The following TDRKH variants were observed in gnomAD, a reference collection of about 807,000 sequenced individuals.
The protein encoded by TDRKH is tudor and KH domain containing.
Under a neutral mutation model 61.3 loss-of-function variants are expected in TDRKH, and 28 were observed. The ratio of observed to expected loss-of-function variants is 0.46; its 90% confidence interval spans 0.34 to 0.63. TDRKH has a LOEUF of 0.63. Ranked by LOEUF, TDRKH falls within the 20% of genes least tolerant of loss-of-function variation. The pLI, the probability that TDRKH is intolerant of heterozygous loss-of-function variation, is 0.01. For missense variants in TDRKH, 540 were observed against 683.4 expected (o/e 0.79, Z 2.34); for synonymous variants, 219 against 244.4 (o/e 0.90, Z 0.97).
intron 6 of TDRKH, among the ~76,000 whole-genome samples, chr1:151,776,954 C>G (rs574307005): frequency 6.6e-6 from 1 of 152,300 alleles, no homozygotes; most frequent in Non-Finnish European, 1.5e-5. Context: ...TGGACCTGTT[C>G]CAGATCCCAT....
downstream of TDRKH, chr1:151,766,596 G>C: frequency 1.9e-6 from 2 of 1,039,664 alleles, no homozygotes; most frequent in Non-Finnish European, 2.8e-6. Context: ...GTCCTGAGGT[G>C]ACATAAGGGC....
intron 3 of TDRKH, among the ~76,000 whole-genome samples, chr1:151,780,665 A>G (rs951243498): frequency 8.5e-5 from 13 of 152,118 alleles, no homozygotes; most frequent in African/African-American, 3.1e-4. Flanking sequence ...CCTGGCTAAC[A>G]TGGTGAAACC....
chr1:151,773,365 T>A (rs1259684541), downstream of TDRKH: 1 of 152,616 alleles, frequency 6.6e-6, no homozygotes, highest in Non-Finnish European at 1.5e-5. Flanking sequence ...AGAATATGAA[T>A]GTGTATATGG....
At chr1:151,777,049 T>C (rs954870235) in intron 6 of TDRKH, among the ~76,000 whole-genome samples, 1 of 152,200 alleles carries the variant, frequency 6.6e-6, no homozygotes, top group African/African-American at 2.4e-5. Flanking sequence ...CCAAAACCTA[T>C]GTACAGAAGA....
At chr1:151,776,306 A>T in intron 7 of TDRKH, 38 bp from the exon 8 acceptor site, 2 of 1,606,806 alleles carry the variant, frequency 1.2e-6, no homozygotes, top group East Asian at 2.2e-5. Context: ...GAGAGTTACA[A>T]AGTGGTAGGC....
chr1:151,785,524 T>C (rs139728743), intron 1 of TDRKH, among the ~76,000 whole-genome samples: 101 of 152,324 alleles, frequency 6.6e-4, no homozygotes, highest in African/African-American at 2.4e-3. Flanking sequence ...AATGAAGAGA[T>C]AATGTGTTGA....
At chr1:151,788,009 T>C (rs868505753) in intron 1 of TDRKH, among the ~76,000 whole-genome samples, 2 of 151,080 alleles carry the variant, frequency 1.3e-5, no homozygotes, top group Non-Finnish European at 1.5e-5. Flanking sequence ...AAAAAAAGTA[T>C]AGGGCAAGAT....
At chr1:151,767,459 C>A, downstream of TDRKH, 1 of 1,376,482 alleles carries the variant, frequency 7.3e-7, no homozygotes, top group Non-Finnish European at 9.5e-7. Context: ...CATTCTGGCC[C>A]ACAGACTGTA....
At chr1:151,769,908 A>G (rs145728413), downstream of TDRKH, among the ~76,000 whole-genome samples, 3,811 of 151,458 alleles carry the variant, frequency 0.025, 78 homozygotes, top group African/African-American at 0.044. Context: ...CCCCGTCTCC[A>G]CCAAAATACG....
downstream of TDRKH, chr1:151,766,857 C>T (rs188726350): frequency 6.5e-4 from 1,045 of 1,612,618 alleles, 1 homozygote; most frequent in Non-Finnish European, 4.8e-4. Flanking sequence ...GATCACTCTC[C>T]GGGAGAAGAT....
At position 151,782,151 on chromosome 1, in the gene TDRKH, C is replaced by G. The variant is rs1649876796; in HGVS notation, c.125-564G>C. The G allele has an allele frequency of 8.4e-5, 31 of 368,486 alleles. 1 individual carries two copies. Among genetic ancestry groups the G allele is most frequent in the Middle Eastern group, 9.3e-4 (1 of 1,074 alleles). 22.8% of individuals were successfully genotyped at this position (368,486 alleles called of 1,614,324 possible). On this transcript the variant is annotated intron_variant, in intron 2 of 12. Transcript: ENST00000368824. ...TGAGTTCATTTCATAGACTAGCTTA[C>G]TTTGCTATGTAAGAACATAGCAAAG... is the stretch of plus-strand genomic sequence containing the variant.
chr1:151,779,282 G>C (rs1312541737), intron 4 of TDRKH, 40 bp from the exon 5 acceptor site: 1 of 1,606,170 alleles, frequency 6.2e-7, no homozygotes, highest in Admixed American at 1.7e-5. Flanking sequence ...CTTCCCTCCT[G>C]GCCAACCTTA....
At position 151,779,946 on chromosome 1, in the gene TDRKH, G is replaced by A; in HGVS notation, c.421+5C>T. 1 of 1,605,340 alleles carries A rather than the reference G, an allele frequency of 6.2e-7. No individual in the cohort carries two copies. Among genetic ancestry groups the A allele is most frequent in the Non-Finnish European group, 8.5e-7 (1 of 1,172,968 alleles). ...GAAACAATAGAGGAAGCCATCCAGT[G>A]GTACCTATGATTCTGCCCACAGATC... On this transcript the variant is annotated splice_donor_5th_base_variant and intron_variant, in intron 4 of 12. Coordinates refer to ENST00000368824, the MANE Select transcript of TDRKH (RefSeq NM_001083965.2).
At chr1:151,770,975 C>G, downstream of TDRKH, 1 of 1,479,222 alleles carries the variant, frequency 6.8e-7, no homozygotes, top group South Asian at 1.4e-5. Context: ...CTGCACTACA[C>G]TGCTTCCCAG....
At chr1:151,771,471 T>C (rs1025638275), downstream of TDRKH, 2 of 780,438 alleles carry the variant, frequency 2.6e-6, no homozygotes, top group Non-Finnish European at 3.6e-6. Context: ...TTGGTTCCCT[T>C]TGCCTTCCTC....
At chr1:151,772,039 A>G (rs1648733234), downstream of TDRKH, 1 of 398,392 alleles carries the variant, frequency 2.5e-6, no homozygotes, top group African/African-American at 2.1e-5. Flanking sequence ...AGAGTACCTG[A>G]ACTACTCACC....
Position 151,773,573 on chromosome 1 carries a change from GGTGTATATGT to G in TDRKH, c.*869_*878del, listed in dbSNP as rs1053414492. 3 of 152,376 alleles carry G rather than the reference GGTGTATATGT, an allele frequency of 2.0e-5. No homozygotes were observed. The highest frequency in any genetic ancestry group is 7.3e-5 in the African/African-American group (3 of 41,368). 9.4% of individuals were successfully genotyped at this position (152,376 alleles called of 1,614,324 possible). A position where few individuals can be genotyped will look rare whatever the true frequency, so the allele number is the denominator to read the frequency against. On this transcript the variant is annotated 3_prime_UTR_variant, in exon 13 of 13. Transcript: ENST00000368824. ...TGTATACTCTTCCTCTCTCTCCACG[GGTGTATATGT>G]GTGTATACATATAGATATTATACTA...
downstream of TDRKH, among the ~76,000 whole-genome samples, chr1:151,772,240 A>G (rs1648745621): frequency 1.3e-5 from 2 of 149,768 alleles, no homozygotes; most frequent in Non-Finnish European, 3.0e-5. Flanking sequence ...AGCTAGGACC[A>G]CAGGCACACA....
Position 151,775,503 on chromosome 1 carries a change from T to C in TDRKH, c.1323A>G (p.Arg441=). The C allele has an allele frequency of 6.2e-7, 1 of 1,613,804 alleles. No individual in the cohort carries two copies. The highest frequency in any genetic ancestry group is 8.5e-7 in the Non-Finnish European group (1 of 1,179,938). ...GCTTCCAGTCAGCACAATGAGTGAG[T>C]CTATCAAACTCATCCAAAGCTTCCT... ...WEEEALDEFD[R]LTHCADWKPL... is the part of the protein sequence containing the mutation. Residue 441 remains arginine (R), a synonymous_variant, in exon 10 of 13, where the codon AGA becomes AGG. Transcript: ENST00000368824.
Sources: allele counts gnomAD v4.1 joint callset (sites outside exome capture counted in the v4.1 genomes callset), GRCh38; gene constraint gnomAD v4.1.1; transcripts MANE v1.5; gene names NCBI Gene and HGNC (gene_info 2026-07-23, HGNC 2026-07-21).